Variants in ACAN observed in about 807,000 individuals in gnomAD.
ACAN encodes aggrecan, also known as aggrecan core protein.
In ACAN, 47 loss-of-function variants were observed where a neutral mutation model predicts 169.1. That is an observed-to-expected ratio of 0.28 (90% confidence interval 0.22 to 0.35). ACAN has a LOEUF of 0.35. ACAN is among the 10% of genes least tolerant of loss of function. ACAN has a pLI of 1.00. For synonymous variants in ACAN, 1,115 were observed against 1,112.2 expected, an observed-to-expected ratio of 1.00 and a Z score of -0.05; for missense variants, 2,716 against 2,759.9, an observed-to-expected ratio of 0.98 and a Z score of 0.36.
In ACAN at chr15:88,807,690, A is replaced by G. The variant is rs1895717035; in HGVS notation, c.-8+3881A>G. On this transcript the variant is annotated intron_variant, in intron 1 of 18. Transcript: ENST00000560601. The surrounding 1 kb of genome is among the most constrained non-coding windows in gnomAD (Gnocchi z 4.0). ...TTTTTCAAAAGTTGAATCCAGGGCA[A>G]GAACGGAAACGGTGGAGTTTACTTT... Among the ~76,000 whole-genome samples, 1 of 152,106 alleles carries G rather than the reference A, an allele frequency of 6.6e-6. No individual in the cohort carries two copies. The highest frequency in any genetic ancestry group is 1.9e-4 in the East Asian group (1 of 5,170).
chr15:88,833,920 G>A (rs1567172627), intron 1 of ACAN, among the ~76,000 whole-genome samples: 1 of 152,180 alleles, frequency 6.6e-6, no homozygotes, highest in East Asian at 1.9e-4. Context: ...TGTTCTGAGG[G>A]AAGAACAGGC....
At position 88,814,436 on chromosome 15, in the gene ACAN, A is replaced by T. The variant is rs1377104747; in HGVS notation, c.-8+10627A>T. 6.6e-6 allele frequency among the ~76,000 whole-genome samples: 1 copy of T among 152,164 alleles called. No individual in the cohort carries two copies. Among genetic ancestry groups the T allele is most frequent in the Non-Finnish European group, 1.5e-5 (1 of 68,014 alleles). ...CTACTTATGCTCTTAAGATAGTCTT[A>T]CCATCCTGGAGCAGAAAGGGGCCTC... On this transcript the variant is annotated intron_variant, in intron 1 of 18. Transcript: ENST00000560601. This position sits in a 1 kb window ranked among gnomAD's most constrained non-coding sequence, Gnocchi z 4.0.
rs1567177745 is a variant in ACAN at position 88,843,518 on chromosome 15, G to T, written c.921G>T (p.Val307=). 6.2e-7 allele frequency: 1 copy of T among 1,612,648 alleles called. No individual in the cohort carries two copies. Among genetic ancestry groups the T allele is most frequent in the Non-Finnish European group, 8.5e-7 (1 of 1,179,690 alleles). ...CSAGWLADRS[V]RYPISKARPN... is the part of the protein sequence containing the mutation. ...CCGGCTGGCTGGCCGACCGCAGCGTGCGCTACCCCATCTCCAAGGCCCGGC... is the reference window on the plus strand; with the variant it reads ...CCGGCTGGCTGGCCGACCGCAGCGTTCGCTACCCCATCTCCAAGGCCCGGC... The change falls in exon 6 of 19, where the codon GTG becomes GTT. Residue 307 remains valine, a synonymous_variant. Coordinates refer to ENST00000560601, the MANE Select transcript of ACAN (RefSeq NM_001369268.1). The surrounding 1 kb of genome is among the most constrained non-coding windows in gnomAD (Gnocchi z 4.0).
chr15:88,855,046 G>C lies in ACAN; in HGVS notation c.2461G>C (p.Glu821Gln), dbSNP rs1416220883. The C allele has an allele frequency of 6.3e-7, 1 of 1,593,608 alleles. No homozygotes were observed. Among genetic ancestry groups the C allele is most frequent in the East Asian group, 2.2e-5 (1 of 44,620 alleles). ...PFPSVELFPS[E>Q]EPFPSKEPSP... ...CCCCTCAGTGGAGCTGTTCCCCTCA[G>C]AGGAGCCATTCCCCTCCAAGGAGCC... is the stretch of plus-strand genomic sequence containing the variant. The change falls in exon 12 of 19, where the codon GAG becomes CAG. Residue 821 changes from glutamate (E) to glutamine (Q), a missense_variant. Transcript: ENST00000560601.
At chr15:88,836,052 C>G in intron 1 of ACAN, 148 bp from the exon 2 acceptor site, 1 of 608,466 alleles carries the variant, frequency 1.6e-6, no homozygotes, top group Non-Finnish European at 2.9e-6. Context: ...AAGAAAATAT[C>G]TCACAAACCA....
intron 13 of ACAN, among the ~76,000 whole-genome samples, chr15:88,867,413 G>A (rs867882399): frequency 1.3e-5 from 2 of 152,162 alleles, no homozygotes; most frequent in East Asian, 1.9e-4. Context: ...CTGTAGCTCC[G>A]AACGCTTGTC....
Position 88,869,126 on chromosome 15 carries a change from C to T in ACAN, c.7060+797C>T, listed in dbSNP as rs1300214749. ...ACAGACTGAACCCTCAGCTCTCTCA[C>T]CTTTGGTGCTTCCTAGTCTCCCCAC... On this transcript the variant is annotated intron_variant, in intron 14 of 18. Coordinates refer to ENST00000560601, the MANE Select transcript of ACAN (RefSeq NM_001369268.1). This position sits in a 1 kb window ranked among gnomAD's most constrained non-coding sequence, Gnocchi z 4.2. Among the ~76,000 whole-genome samples the T allele has an allele frequency of 6.6e-6, 1 of 152,200 alleles. No individual in the cohort carries two copies. The highest frequency in any genetic ancestry group is 1.5e-5 in the Non-Finnish European group (1 of 68,046).
rs1011211824 is a variant in ACAN, at chr15:88,840,037, C to T, written c.480C>T (p.Ile160=). ...GCATCGTGTTCCATTACAGAGCCAT[C>T]TCTACACGCTACACCCTCGACTTTG... ...VKGIVFHYRA[I]STRYTLDFDR... is the part of the protein sequence containing the mutation. The change falls in exon 4 of 19, where the codon ATC becomes ATT. Residue 160 remains isoleucine (I), a synonymous_variant. Transcript: ENST00000560601. 2.5e-6 allele frequency: 4 copies of T among 1,601,884 alleles called. No individual in the cohort carries two copies. The highest frequency in any genetic ancestry group is 2.6e-6 in the Non-Finnish European group (3 of 1,173,856).
Position 88,854,856 on chromosome 15 carries a change from C to A in ACAN, c.2271C>A (p.Ile757=). 1.3e-6 allele frequency: 2 copies of A among 1,482,864 alleles called. No homozygotes were observed. The highest frequency in any genetic ancestry group is 1.5e-5 in the South Asian group (1 of 65,804). 91.9% of individuals were successfully genotyped at this position (1,482,864 alleles called of 1,614,324 possible). ...TPVGTSPLPG[I]LPTWPPTGAA... is the part of the protein sequence containing the mutation. Reference sequence around the variant, plus strand: ...TTTCTTCCTTCTTTCCTACAGGGATCCTTCCTACTTGGCCTCCCACTGGCG... The same window carrying A: ...TTTCTTCCTTCTTTCCTACAGGGATACTTCCTACTTGGCCTCCCACTGGCG... The change falls in exon 12 of 19, where the codon ATC becomes ATA. Residue 757 remains isoleucine (I), a synonymous_variant. Transcript: ENST00000560601.
rs754069770 is a variant in ACAN, at chr15:88,843,315, G to T, written c.758-40G>T. 1.4e-5 allele frequency: 22 copies of T among 1,521,020 alleles called. No homozygotes were observed. Among genetic ancestry groups the T allele is most frequent in the Middle Eastern group, 1.8e-4 (1 of 5,636 alleles). The allele number at this position is 1,521,020 out of a possible 1,614,324, so 94.2% of individuals were successfully genotyped here. On this transcript the variant is annotated intron_variant, in intron 5 of 18. Transcript: ENST00000560601. This position sits in a 1 kb window ranked among gnomAD's most constrained non-coding sequence, Gnocchi z 4.0. ...TCTGGGGATGCAGAGCAGGGGGAGGGGGGAGAAGACCCTTACCCAGCTGGC... is the reference window on the plus strand; with the variant it reads ...TCTGGGGATGCAGAGCAGGGGGAGGTGGGAGAAGACCCTTACCCAGCTGGC...
At chr15:88,829,376 C>T (rs1896303733) in intron 1 of ACAN, among the ~76,000 whole-genome samples, 1 of 152,142 alleles carries the variant, frequency 6.6e-6, no homozygotes, top group Non-Finnish European at 1.5e-5. Flanking sequence ...AGAGCTGGGA[C>T]TGAAATCAGC....
At position 88,874,344 on chromosome 15, in the gene ACAN, TG is replaced by T; in HGVS notation, c.7631-58del. ...GAGAGAGGGTAGTCTGGGGAGAGCC[TG>T]GGCTCGCCCCACTTTCTTTCCAGGT... On this transcript the variant is annotated intron_variant, in intron 18 of 18. Transcript: ENST00000560601. This position sits in a 1 kb window ranked among gnomAD's most constrained non-coding sequence, Gnocchi z 7.3. 1 of 1,459,064 alleles carries T rather than the reference TG, an allele frequency of 6.9e-7. No individual in the cohort carries two copies. 90.4% of individuals were successfully genotyped at this position (1,459,064 alleles called of 1,614,324 possible).
At chr15:88,805,964 G>T (rs989212328) in intron 1 of ACAN, among the ~76,000 whole-genome samples, 9 of 152,116 alleles carry the variant, frequency 5.9e-5, no homozygotes, top group African/African-American at 1.9e-4. Context: ...CCCAATTAGA[G>T]AGGGAGCTCC....
intron 11 of ACAN, 87 bp from the exon 12 acceptor site, chr15:88,854,765 A>G: frequency 7.6e-7 from 1 of 1,309,358 alleles, no homozygotes; most frequent in Non-Finnish European, 9.8e-7. Flanking sequence ...TACTGTGGAA[A>G]GAATGGAGTT....
chr15:88,858,409 G>T lies in ACAN; in HGVS notation c.5824G>T (p.Val1942Leu), dbSNP rs1351288020. ...TGTCTCTCTTGTAGACAGAACTTTG[G>T]TGGAATCTGTAACCCAGGCTCCAAC... ...PTVSLVDRTL[V>L]ESVTQAPTAQ... Residue 1942 changes from valine to leucine, a missense_variant, in exon 12 of 19, where the codon GTG becomes TTG. Physicochemically the swap from Val to Leu is conservative, Grantham distance 32. Coordinates refer to ENST00000560601, the MANE Select transcript of ACAN (RefSeq NM_001369268.1). This position sits in a 1 kb window ranked among gnomAD's most constrained non-coding sequence, Gnocchi z 4.0. The T allele has an allele frequency of 9.9e-6, 16 of 1,613,626 alleles. No individual in the cohort carries two copies. Among genetic ancestry groups the T allele is most frequent in the African/African-American group, 1.3e-5 (1 of 74,924 alleles).
chr15:88,855,399 C>A lies in ACAN; in HGVS notation c.2814C>A (p.Pro938=). The A allele has an allele frequency of 1.2e-6, 2 of 1,613,730 alleles. No individual in the cohort carries two copies. Among genetic ancestry groups the A allele is most frequent in the Non-Finnish European group, 1.7e-6 (2 of 1,179,820 alleles). The change falls in exon 12 of 19, where the codon CCC becomes CCA. Residue 938 remains proline, a synonymous_variant. Coordinates refer to ENST00000560601, the MANE Select transcript of ACAN (RefSeq NM_001369268.1). ...GCACTCCTACGGTTGGTGAACTGCC[C>A]TCTGGAGCTGAGATCCTAGAGGGCT... ...WPSTPTVGEL[P]SGAEILEGSA... is the part of the protein sequence containing the mutation.
chr15:88,868,860 G>A lies in ACAN; in HGVS notation c.7060+531G>A, dbSNP rs1897323256. On this transcript the variant is annotated intron_variant, in intron 14 of 18. Transcript: ENST00000560601. This position sits in a 1 kb window ranked among gnomAD's most constrained non-coding sequence, Gnocchi z 5.2. The stretch of plus-strand genomic sequence containing the variant: ...CGTGTCATCAGCATGCTCAAGTCAT[G>A]CATGAGCAAGGACTGCTGCATGTCA... Among the ~76,000 whole-genome samples, 1 of 152,230 alleles carries A rather than the reference G, an allele frequency of 6.6e-6. No homozygotes were observed. The highest frequency in any genetic ancestry group is 1.5e-5 in the Non-Finnish European group (1 of 68,042).
Position 88,845,901 on chromosome 15 carries a change from G to A in ACAN, c.1429+19G>A, listed in dbSNP as rs1163919147. 8 of 1,444,292 alleles carry A rather than the reference G, an allele frequency of 5.5e-6. No individual in the cohort carries two copies. The highest frequency in any genetic ancestry group is 7.3e-6 in the Non-Finnish European group (8 of 1,095,574). The allele number at this position is 1,444,292 out of a possible 1,614,324, so 89.5% of individuals were successfully genotyped here. A position where few individuals can be genotyped will look rare whatever the true frequency, so the allele number is the denominator to read the frequency against. On this transcript the variant is annotated intron_variant, in intron 7 of 18. Transcript: ENST00000560601. ...CCAGGGGGTAAGTAGCTGCCCGTGG[G>A]TGCATCCAGGGGCAGGTGGAGAGAA... is the stretch of plus-strand genomic sequence containing the variant.
rs369187075 is a variant in ACAN, at chr15:88,840,127, C to G, written c.570C>G (p.Ala190=). Residue 190 remains alanine (A), a synonymous_variant, in exon 4 of 19, where the codon GCC becomes GCG. Coordinates refer to ENST00000560601, the MANE Select transcript of ACAN (RefSeq NM_001369268.1). ...TTGCCACGCCTGAGCAGCTGCAGGC[C>G]GCCTACGAAGACGGCTTCCACCAGT... ...AIIATPEQLQ[A]AYEDGFHQCD... The G allele has an allele frequency of 6.2e-7, 1 of 1,605,758 alleles. No individual in the cohort carries two copies. The highest frequency in any genetic ancestry group is 1.3e-5 in the African/African-American group (1 of 74,820).
Sources: allele counts gnomAD v4.1 joint callset (sites outside exome capture counted in the v4.1 genomes callset), GRCh38; gene constraint gnomAD v4.1.1; non-coding constraint Gnocchi (gnomAD v3.1); transcripts MANE v1.5; gene names NCBI Gene and HGNC (gene_info 2026-07-23, HGNC 2026-07-21).